The following RIMS1 variants were observed in gnomAD, a reference collection of about 807,000 sequenced individuals.
RIMS1 encodes regulating synaptic membrane exocytosis protein 1.
In RIMS1, 83 loss-of-function variants were observed where a neutral mutation model predicts 214.1. The ratio of observed to expected loss-of-function variants is 0.39; its 90% CI spans 0.32 to 0.47. RIMS1 has a LOEUF of 0.47. Ranked by LOEUF, RIMS1 falls within the 20% of genes least tolerant of loss-of-function variation. The probability of loss-of-function intolerance (pLI) is 0.99; values close to 1 mark genes in which losing one functional copy is unlikely to be tolerated. For missense variants in RIMS1, 2,050 were observed against 2,161.8 expected (o/e 0.95, Z 1.03); for synonymous variants, 793 against 786.8 (o/e 1.01, Z -0.13).
chr6:72,366,804 G>A lies in RIMS1; in HGVS notation c.4367-23794G>A, dbSNP rs2098043549. 4.1e-6 allele frequency: 4 copies of A among 985,560 alleles called. No homozygotes were observed. The South Asian group carries it at 1.9e-4, about 46-fold the overall frequency. 61.1% of individuals were successfully genotyped at this position (985,560 alleles called of 1,614,324 possible). ...ATTTAAACCAGGTCAAAGCTTCTTT[G>A]GCATTCAGTTTTCCCCAGAGAACAA... On this transcript the variant is annotated intron_variant, in intron 29 of 33. Transcript: ENST00000521978.
Position 72,183,094 on chromosome 6 carries a change from C to T in RIMS1, c.1623C>T (p.Pro541=), listed in dbSNP as rs781661385. The part of the protein sequence containing the change: ...SSSEEEGVST[P]EYTSCEDVEL... ...CTGAGGAGGAGGGCGTGTCGACGCC[C>T]GAGTACACCAGCTGCGAGGACGTGG... Residue 541 remains proline, a synonymous_variant, in exon 6 of 34, where the codon CCC becomes CCT. Transcript: ENST00000521978. 4 of 1,591,928 alleles carry T rather than the reference C, an allele frequency of 2.5e-6. No individual in the cohort carries two copies. The highest frequency in any genetic ancestry group is 2.3e-5 in the South Asian group (2 of 87,582).
rs62407506 is a variant in RIMS1, at chr6:72,313,654, G to T, written c.4112G>T (p.Arg1371Leu). The T allele has an allele frequency of 6.2e-7, 1 of 1,612,808 alleles. No homozygotes were observed. The highest frequency in any genetic ancestry group is 8.5e-7 in the Non-Finnish European group (1 of 1,179,324). The change falls in exon 28 of 34, where the codon CGC becomes CTC. Residue 1371 changes from arginine to leucine, a missense_variant. Physicochemically the swap from Arg to Leu is moderately radical, Grantham distance 102. This residue lies in a region of RIMS1 where 889 missense variants were observed against 885.5 expected (regional missense o/e 1.00). Coordinates refer to ENST00000521978, the MANE Select transcript of RIMS1 (RefSeq NM_014989.7). ...AGCTTTATGTCAGAGCAATCTGAGC[G>T]CCCCAGGGGTAGAATCAGGTGAGTT... Reference protein sequence around the residue: ...STSFMSEQSERPRGRISSFTP... With the variant: ...STSFMSEQSELPRGRISSFTP...
At chr6:72,384,188 C>T (rs1226069186) in intron 29 of RIMS1, among the ~76,000 whole-genome samples, 1 of 152,058 alleles carries the variant, frequency 6.6e-6, no homozygotes, top group Non-Finnish European at 1.5e-5. Context: ...CTAATTATTC[C>T]AATCTACATA....
At position 72,258,196 on chromosome 6, in the gene RIMS1, C is replaced by A; in HGVS notation, c.2842C>A (p.His948Asn). The A allele has an allele frequency of 6.2e-7, 1 of 1,613,374 alleles. No homozygotes were observed. The highest frequency in any genetic ancestry group is 8.5e-7 in the Non-Finnish European group (1 of 1,179,556). Residue 948 changes from histidine (H) to asparagine (N), a missense_variant, in exon 17 of 34, where the codon CAT (histidine) becomes AAT (asparagine). Coordinates refer to ENST00000521978, the MANE Select transcript of RIMS1 (RefSeq NM_014989.7). ...LTVPEQQRTTHHRSRSVSPHR... is the reference protein window; with the variant it reads ...LTVPEQQRTTNHRSRSVSPHR... ...TGTGCCAGAACAGCAAAGAACAACTCATCACCGCTCACGTTCAGTATCTCC... is the reference window on the plus strand; with the variant it reads ...TGTGCCAGAACAGCAAAGAACAACTAATCACCGCTCACGTTCAGTATCTCC...
intron 2 of RIMS1, among the ~76,000 whole-genome samples, chr6:72,028,611 C>T (rs1585196691): frequency 2.0e-5 from 3 of 152,314 alleles, no homozygotes; most frequent in South Asian, 4.1e-4. Flanking sequence ...TGAGTCAACA[C>T]ACCTTTCTAC....
chr6:72,383,999 C>T (rs1468659958), intron 29 of RIMS1, among the ~76,000 whole-genome samples: 2 of 152,042 alleles, frequency 1.3e-5, no homozygotes, highest in South Asian at 2.1e-4. Context: ...TCAGGTGATA[C>T]TCTTTTATTG....
intron 16 of RIMS1, among the ~76,000 whole-genome samples, chr6:72,253,080 A>G (rs1029533803): frequency 6.6e-6 from 1 of 152,170 alleles, no homozygotes; most frequent in African/African-American, 2.4e-5. Flanking sequence ...ACAAATCATT[A>G]TTTCACAATG....
Position 72,182,497 on chromosome 6 carries a change from G to A in RIMS1, c.1026G>A (p.Glu342=). The change falls in exon 6 of 34, where the codon GAG becomes GAA. Residue 342 remains glutamate (E), a synonymous_variant. Coordinates refer to ENST00000521978, the MANE Select transcript of RIMS1 (RefSeq NM_014989.7). ...GGGATGAGGGCAAAGCGGCGGATGA[G>A]GAAAAGCAAAGAAAAGAGGAGGATT... The part of the protein sequence containing the change: ...EKRDEGKAAD[E]EKQRKEEDYQ... The A allele has an allele frequency of 6.2e-7, 1 of 1,605,832 alleles. No individual in the cohort carries two copies. Among genetic ancestry groups the A allele is most frequent in the Non-Finnish European group, 8.5e-7 (1 of 1,175,942 alleles).
chr6:71,930,184 C>A (rs1782638543), intron 1 of RIMS1, among the ~76,000 whole-genome samples: 1 of 152,016 alleles, frequency 6.6e-6, no homozygotes, highest in South Asian at 2.1e-4. Context: ...TACTATTTCT[C>A]ACTCTTTGCC....
rs768913738 is a variant in RIMS1, at chr6:72,138,400, C to T, written c.471+38414C>T. On this transcript the variant is annotated intron_variant, in intron 4 of 33. Coordinates refer to ENST00000521978, the MANE Select transcript of RIMS1 (RefSeq NM_014989.7). ...CCCTTAAGCCCATTTACAATTAATC[C>T]TCATTCCTCTCCCCAGCTTCAGGCA... is the stretch of plus-strand genomic sequence containing the variant. Among the ~76,000 whole-genome samples, 220 of 152,262 alleles carry T rather than the reference C, an allele frequency of 1.4e-3. 2 individuals are homozygous for T. Among genetic ancestry groups the T allele is most frequent in the Non-Finnish European group, 2.2e-3 (150 of 68,018 alleles).
At chr6:72,026,720 C>T (rs1816630048) in intron 2 of RIMS1, among the ~76,000 whole-genome samples, 2 of 152,092 alleles carry the variant, frequency 1.3e-5, no homozygotes, top group African/African-American at 4.8e-5. Flanking sequence ...CATCACCTCA[C>T]ACAACCCCTC....
At chr6:71,899,472 G>T (rs1021870366) in intron 1 of RIMS1, among the ~76,000 whole-genome samples, 1 of 149,048 alleles carries the variant, frequency 6.7e-6, no homozygotes, top group Non-Finnish European at 1.5e-5. Context: ...ACTTGTATTT[G>T]TATACACACA....
At chr6:72,123,067 G>T (rs1262603862) in intron 4 of RIMS1, among the ~76,000 whole-genome samples, 2 of 151,694 alleles carry the variant, frequency 1.3e-5, no homozygotes, top group Non-Finnish European at 2.9e-5. Context: ...TGATGTTAGG[G>T]TGTCAATTGT....
intron 24 of RIMS1, among the ~76,000 whole-genome samples, chr6:72,289,351 G>C (rs2092954261): frequency 6.6e-6 from 1 of 152,104 alleles, no homozygotes; most frequent in Admixed American, 6.5e-5. Context: ...CTATCCCATA[G>C]AAATTCATTC....
At chr6:72,051,090 A>G (rs1258413264) in intron 2 of RIMS1, among the ~76,000 whole-genome samples, 4 of 152,146 alleles carry the variant, frequency 2.6e-5, no homozygotes, top group Admixed American at 6.5e-5. Context: ...AGTTGCCGCT[A>G]TGTCAATTCA....
intron 28 of RIMS1, among the ~76,000 whole-genome samples, chr6:72,329,087 A>G (rs74660715): frequency 1.1e-3 from 173 of 152,044 alleles, no homozygotes; most frequent in African/African-American, 3.8e-3. Context: ...AAAAGAAAAC[A>G]GAAAGAAGAC....
chr6:72,132,931 AT>A (rs776319949), intron 4 of RIMS1, among the ~76,000 whole-genome samples: 3 of 152,232 alleles, frequency 2.0e-5, no homozygotes, highest in Non-Finnish European at 4.4e-5. Flanking sequence ...TTTGTTGTAT[AT>A]GTGTGTAAAA....
intron 20 of RIMS1, 47 bp downstream of exon 20, chr6:72,265,099 A>G: frequency 9.3e-7 from 1 of 1,072,712 alleles, no homozygotes. Context: ...AGTAATTCCT[A>G]ATCCCTTGCC....
chr6:72,388,424 C>T (rs2154434178), intron 29 of RIMS1, among the ~76,000 whole-genome samples: 1 of 152,286 alleles, frequency 6.6e-6, no homozygotes, highest in South Asian at 2.1e-4. Flanking sequence ...GATGATATGG[C>T]ATTTCCTGGG....
Sources: allele counts gnomAD v4.1 joint callset (sites outside exome capture counted in the v4.1 genomes callset), GRCh38; gene constraint gnomAD v4.1.1; regional missense constraint gnomAD v4.1.1; transcripts MANE v1.5; gene names NCBI Gene and HGNC (gene_info 2026-07-23, HGNC 2026-07-21).